Variants in STARD13 observed in about 807,000 individuals in gnomAD.
The protein encoded by STARD13 is StAR related lipid transfer domain containing 13.
A neutral mutation model predicts 106.4 loss-of-function variants in STARD13; 62 were observed. That is an observed-to-expected ratio of 0.58 (90% CI 0.48 to 0.72). The LOEUF is 0.72. Among genes scored for constraint, STARD13 ranks in the 30% least tolerant of loss-of-function variants. The pLI is 0.00. For missense variants in STARD13, 1,387 were observed against 1,424.0 expected (o/e 0.97, Z 0.42); for synonymous variants, 565 against 553.0 (o/e 1.02, Z -0.31).
the STARD13 span, among the ~76,000 whole-genome samples, chr13:33,378,754 C>T: frequency 2.0e-5 from 3 of 149,468 alleles, no homozygotes; most frequent in East Asian, 5.9e-4. Flanking sequence ...GGCACCACTG[C>T]ACTCTAGCCT....
the STARD13 span, among the ~76,000 whole-genome samples, chr13:33,441,741 T>C: frequency 6.6e-6 from 1 of 152,252 alleles, no homozygotes; most frequent in Non-Finnish European, 1.5e-5. Context: ...TTGTCCTTGA[T>C]ACCACAGTTC....
chr13:33,307,885 T>G (rs74045796), intron 1 of STARD13, among the ~76,000 whole-genome samples: 5,559 of 152,264 alleles, frequency 0.037, 334 homozygotes, highest in African/African-American at 0.12. Flanking sequence ...TGTTGTTCAT[T>G]TATAATCAAA....
intron 1 of STARD13, among the ~76,000 whole-genome samples, chr13:33,298,660 G>GA (rs1470378410): frequency 6.6e-6 from 1 of 151,982 alleles, no homozygotes; most frequent in Non-Finnish European, 1.5e-5. Context: ...CATCTCATAT[G>GA]AATGTATATA....
the STARD13 span, among the ~76,000 whole-genome samples, chr13:33,601,214 G>T: frequency 1.9e-3 from 276 of 141,830 alleles, 2 homozygotes; most frequent in South Asian, 0.024. Flanking sequence ...AAATGTTTTT[G>T]TTTTTTTTTT....
At chr13:33,616,677 G>C in the STARD13 span, among the ~76,000 whole-genome samples, 19 of 152,310 alleles carry the variant, frequency 1.2e-4, no homozygotes, top group East Asian at 3.5e-3. Context: ...GCCATACATG[G>C]TTAGGCTCTG....
At chr13:33,148,838 A>C (rs561396091) in intron 3 of STARD13, among the ~76,000 whole-genome samples, 1 of 152,262 alleles carries the variant, frequency 6.6e-6, no homozygotes, top group Non-Finnish European at 1.5e-5. Flanking sequence ...GTGAATGGAT[A>C]AACTGTGGTC....
At chr13:33,375,718 C>T in the STARD13 span, among the ~76,000 whole-genome samples, 1 of 152,112 alleles carries the variant, frequency 6.6e-6, no homozygotes, top group African/African-American at 2.4e-5. Context: ...TCCCATGAGT[C>T]AATTACCTCC....
intron 8 of STARD13, 118 bp from the exon 9 acceptor site, chr13:33,113,049 A>T (rs1190283194): frequency 1.3e-5 from 9 of 698,390 alleles, no homozygotes; most frequent in Non-Finnish European, 1.9e-5. Context: ...ATCATCAACA[A>T]AAACAACCAG....
intron 1 of STARD13, among the ~76,000 whole-genome samples, chr13:33,262,269 G>C (rs1001421684): frequency 1.3e-5 from 2 of 152,160 alleles, no homozygotes; most frequent in South Asian, 4.1e-4. Context: ...TCTGCATCAG[G>C]TGGCATGAAT....
intron 1 of STARD13, among the ~76,000 whole-genome samples, chr13:33,307,494 A>G (rs1029526076): frequency 6.6e-6 from 1 of 152,158 alleles, no homozygotes; most frequent in African/African-American, 2.4e-5. Flanking sequence ...AAGAAACGAG[A>G]TCATGTCCTT....
At chr13:33,341,082 G>C (rs1487784659) in intron 1 of STARD13, among the ~76,000 whole-genome samples, 2 of 152,198 alleles carry the variant, frequency 1.3e-5, no homozygotes, top group Non-Finnish European at 2.9e-5. Context: ...CAGAAATGTT[G>C]TAAGACTTTT....
At chr13:33,350,736 C>G (rs958446242), upstream of STARD13, 6 of 951,004 alleles carry the variant, frequency 6.3e-6, no homozygotes, top group Middle Eastern at 4.6e-4. Flanking sequence ...CTGCCCTCCC[C>G]CTGGCTGCCT....
At chr13:33,676,770 T>A in the STARD13 span, 1 of 152,176 alleles carries the variant, frequency 6.6e-6, no homozygotes, top group Non-Finnish European at 1.5e-5. Context: ...TCATCTGTCA[T>A]AGCACTCCAC....
intron 3 of STARD13, among the ~76,000 whole-genome samples, chr13:33,156,301 T>C (rs887691369): frequency 5.9e-5 from 9 of 152,218 alleles, no homozygotes; most frequent in Non-Finnish European, 7.4e-5. Flanking sequence ...GGCTCCTTCT[T>C]TTGAGCGTGT....
At chr13:33,593,594 G>A in the STARD13 span, among the ~76,000 whole-genome samples, 1 of 152,130 alleles carries the variant, frequency 6.6e-6, no homozygotes, top group Non-Finnish European at 1.5e-5. Context: ...CACAGATTCA[G>A]CCCCATGCCA....
At chr13:33,438,711 A>G in the STARD13 span, among the ~76,000 whole-genome samples, 10 of 152,206 alleles carry the variant, frequency 6.6e-5, no homozygotes, top group African/African-American at 2.2e-4. Context: ...GAGCTGAAGA[A>G]CAGCAGATGA....
chr13:33,519,747 A>C, the STARD13 span, among the ~76,000 whole-genome samples: 2 of 152,142 alleles, frequency 1.3e-5, no homozygotes, highest in African/African-American at 4.8e-5. Flanking sequence ...ACAGAAAATC[A>C]ACAGTGGAGA....
upstream of STARD13, among the ~76,000 whole-genome samples, chr13:33,354,266 G>A (rs950518275): frequency 1.3e-5 from 2 of 152,166 alleles, no homozygotes; most frequent in Non-Finnish European, 2.9e-5. Flanking sequence ...TGGTCTCACT[G>A]CACTCTACGT....
At chr13:33,239,662 A>G (rs1395424479) in intron 1 of STARD13, among the ~76,000 whole-genome samples, 4 of 152,104 alleles carry the variant, frequency 2.6e-5, no homozygotes, top group African/African-American at 9.7e-5. Flanking sequence ...ATCTTTTCAT[A>G]TACTTCTTGG....
Sources: allele counts gnomAD v4.1 joint callset (sites outside exome capture counted in the v4.1 genomes callset), GRCh38; gene constraint gnomAD v4.1.1; transcripts MANE v1.5; gene names NCBI Gene and HGNC (gene_info 2026-07-23, HGNC 2026-07-21).